The following DOCK1 variants were observed in gnomAD, a reference collection of about 807,000 sequenced individuals.
The protein encoded by DOCK1 is dedicator of cytokinesis protein 1.
In DOCK1, 138 loss-of-function variants were observed where a neutral mutation model predicts 262.7. That is an observed-to-expected ratio of 0.53 (90% CI 0.46 to 0.61). The LOEUF (loss-of-function observed/expected upper bound fraction) is 0.61. Ranked by LOEUF, DOCK1 falls within the 20% of genes least tolerant of loss-of-function variation. The pLI, the probability that DOCK1 is intolerant of heterozygous loss-of-function variation, is 0.00. For synonymous variants in DOCK1, 866 were observed against 867.4 expected (o/e 1.00, Z 0.03); for missense variants, 1,908 against 2,370.7 (o/e 0.80, Z 4.05).
rs1276704520 is a variant in DOCK1 at position 127,149,740 on chromosome 10, T to C, written c.2847+21976T>C. On this transcript the variant is annotated intron_variant, in intron 27 of 51. Transcript: ENST00000623213. ...AATGTGTGAACACTGGCAGCTGTGA[T>C]GGCCCCACGTGTTCTCAAGCCTCTG... 3.3e-5 allele frequency among the ~76,000 whole-genome samples: 5 copies of C among 152,352 alleles called. No individual in the cohort carries two copies. The East Asian group carries it at 9.7e-4, about 29-fold the overall frequency.
At chr10:126,954,995 C>T (rs1217483039) in intron 1 of DOCK1, among the ~76,000 whole-genome samples, 3 of 152,184 alleles carry the variant, frequency 2.0e-5, no homozygotes, top group African/African-American at 4.8e-5. Flanking sequence ...ACGGTTTTTC[C>T]GCGGCTGCAC....
chr10:126,945,079 C>A (rs1015955840), intron 1 of DOCK1, among the ~76,000 whole-genome samples: 1 of 152,106 alleles, frequency 6.6e-6, no homozygotes, highest in African/African-American at 2.4e-5. Flanking sequence ...CTTTGTGATC[C>A]GCCTGCCTCG....
intron 47 of DOCK1, among the ~76,000 whole-genome samples, chr10:127,432,091 C>T (rs2069330365): frequency 6.6e-6 from 1 of 152,178 alleles, no homozygotes; most frequent in African/African-American, 2.4e-5. Flanking sequence ...ACAGTTTCAT[C>T]CTGAAACCAT....
chr10:127,287,113 TAGCC>T (rs765078169), intron 29 of DOCK1, among the ~76,000 whole-genome samples: 22 of 152,184 alleles, frequency 1.4e-4, no homozygotes, highest in Non-Finnish European at 2.9e-4. Context: ...TTCACTGTGT[TAGCC>T]AGGATGGTCT....
In DOCK1 at chr10:126,987,630, G is replaced by A. The variant is rs1192531133; in HGVS notation, c.324+13G>A. 1.3e-6 allele frequency: 2 copies of A among 1,547,308 alleles called. No homozygotes were observed. Among genetic ancestry groups the A allele is most frequent in the East Asian group, 2.4e-5 (1 of 41,004 alleles). The stretch of plus-strand genomic sequence containing the variant: ...GCAGCTCTACGTGGTGAGAAAATGA[G>A]ATATTCATTCAAAGCTTAGAAATAG... On this transcript the variant is annotated intron_variant, in intron 5 of 51. Coordinates refer to ENST00000623213, the MANE Select transcript of DOCK1 (RefSeq NM_001290223.2).
intron 12 of DOCK1, among the ~76,000 whole-genome samples, chr10:127,015,568 C>A (rs1372020189): frequency 1.3e-5 from 2 of 152,120 alleles, no homozygotes; most frequent in African/African-American, 2.4e-5. Flanking sequence ...CTTCCTATTT[C>A]AAGGAACGGT....
At chr10:127,424,329 C>G (rs1849464110) in intron 46 of DOCK1, among the ~76,000 whole-genome samples, 1 of 152,178 alleles carries the variant, frequency 6.6e-6, no homozygotes, top group African/African-American at 2.4e-5. Context: ...GGTCTTAACT[C>G]TCATCTGACA....
chr10:127,003,033 T>G (rs1490809514), intron 10 of DOCK1, among the ~76,000 whole-genome samples: 1 of 152,250 alleles, frequency 6.6e-6, no homozygotes. Context: ...TGAACCTGCA[T>G]GAACCTGTGT....
At chr10:127,225,810 G>A (rs112665567) in intron 27 of DOCK1, among the ~76,000 whole-genome samples, 67 of 152,322 alleles carry the variant, frequency 4.4e-4, no homozygotes, top group African/African-American at 1.5e-3. Flanking sequence ...CGGGCATGGT[G>A]GCTCACGCCT....
intron 27 of DOCK1, among the ~76,000 whole-genome samples, chr10:127,196,547 C>T (rs902844731): frequency 3.4e-5 from 5 of 147,428 alleles, no homozygotes; most frequent in African/African-American, 1.2e-4. Context: ...AAGCCGCGCG[C>T]CTGCCGCCTG....
In DOCK1 at chr10:127,404,272, G is replaced by C. The variant is rs187736749; in HGVS notation, c.4018-53G>C. On this transcript the variant is annotated intron_variant, in intron 39 of 51. Transcript: ENST00000623213. ...AAGAGCCCGCAAGAAGAATCCAGAG[G>C]CACACATGCTTGAATACTCAAACCT... is the stretch of plus-strand genomic sequence containing the variant. 8.8e-6 allele frequency: 13 copies of C among 1,480,866 alleles called. No homozygotes were observed. In the Admixed American group the frequency reaches 2.5e-4, roughly 28 times the overall value. 91.7% of individuals were successfully genotyped at this position (1,480,866 alleles called of 1,614,324 possible).
At chr10:127,299,347 A>G (rs1366755562) in intron 29 of DOCK1, among the ~76,000 whole-genome samples, 2 of 152,126 alleles carry the variant, frequency 1.3e-5, no homozygotes, top group Non-Finnish European at 2.9e-5. Context: ...CAGATGATCC[A>G]CCTGCCTCGG....
At chr10:127,422,615 G>T (rs550745537) in intron 46 of DOCK1, among the ~76,000 whole-genome samples, 1 of 152,124 alleles carries the variant, frequency 6.6e-6, no homozygotes, top group Admixed American at 6.6e-5. Flanking sequence ...GGTTTTGAAC[G>T]TCCTCAGAGT....
Position 127,339,047 on chromosome 10 carries a change from A to T in DOCK1, c.3086A>T (p.Asn1029Ile). The T allele has an allele frequency of 6.3e-7, 1 of 1,582,408 alleles. No homozygotes were observed. Among genetic ancestry groups the T allele is most frequent in the Non-Finnish European group, 8.6e-7 (1 of 1,163,500 alleles). Residue 1029 changes from asparagine (N) to isoleucine (I), a missense_variant, in exon 30 of 52, where the codon AAC becomes ATC. Physicochemically the swap from Asn to Ile is moderately radical, Grantham distance 149. Coordinates refer to ENST00000623213, the MANE Select transcript of DOCK1 (RefSeq NM_001290223.2). The part of the protein sequence containing the change: ...RAINQYADML[N>I]KKFLDQANFE... ...ATTAATCAGTATGCAGATATGCTGA[A>T]CAAAAAATTTCTGGATCAAGCCAAC...
chr10:127,335,875 C>T (rs776569314), intron 29 of DOCK1, among the ~76,000 whole-genome samples: 14 of 152,144 alleles, frequency 9.2e-5, no homozygotes, highest in South Asian at 4.2e-4. Context: ...CCACCATGCC[C>T]GGCTAATTTT....
chr10:126,947,072 C>A (rs1472734652), intron 1 of DOCK1, among the ~76,000 whole-genome samples: 1 of 152,226 alleles, frequency 6.6e-6, no homozygotes, highest in Non-Finnish European at 1.5e-5. Flanking sequence ...AGCATGCCCT[C>A]CTTCCTCCTG....
intron 1 of DOCK1, among the ~76,000 whole-genome samples, chr10:126,960,641 A>G (rs950868376): frequency 6.6e-6 from 1 of 150,720 alleles, no homozygotes; most frequent in Non-Finnish European, 1.5e-5. Context: ...ATCTGTTTAT[A>G]TTTGCATAAT....
intron 27 of DOCK1, among the ~76,000 whole-genome samples, chr10:127,130,269 A>G (rs960367400): frequency 2.6e-5 from 4 of 151,840 alleles, no homozygotes; most frequent in Admixed American, 2.6e-4. Flanking sequence ...ATTTTTTAGT[A>G]CAGTTGGGGT....
intron 33 of DOCK1, among the ~76,000 whole-genome samples, chr10:127,369,591 A>G (rs1029572873): frequency 6.6e-6 from 1 of 152,224 alleles, no homozygotes; most frequent in South Asian, 2.1e-4. Flanking sequence ...TCATGTAGAC[A>G]TAAGGAGCCG....
Sources: allele counts gnomAD v4.1 joint callset (sites outside exome capture counted in the v4.1 genomes callset), GRCh38; gene constraint gnomAD v4.1.1; transcripts MANE v1.5; gene names NCBI Gene and HGNC (gene_info 2026-07-23, HGNC 2026-07-21).